The following CLEC4C variants were observed in gnomAD, a reference collection of about 807,000 sequenced individuals.
CLEC4C encodes the protein C-type (calcium dependent, carbohydrate-recognition domain) lectin, superfamily member 11.
Under a neutral mutation model 27.7 loss-of-function variants are expected in CLEC4C, and 17 were observed. The ratio of observed to expected loss-of-function variants is 0.61; its 90% CI spans 0.42 to 0.92. The LOEUF is 0.92. CLEC4C is among the 40% of genes least tolerant of loss of function. The pLI, the probability that CLEC4C is intolerant of heterozygous loss-of-function variation, is 0.00. For missense variants in CLEC4C, 244 were observed against 257.3 expected (o/e 0.95, Z 0.35); for synonymous variants, 80 against 80.8 (o/e 0.99, Z 0.06).
At chr12:7,735,893 G>A (rs755726800) in intron 4 of CLEC4C, among the ~76,000 whole-genome samples, 35 of 152,266 alleles carry the variant, frequency 2.3e-4, no homozygotes, top group African/African-American at 8.2e-4. Context: ...ATTTGAAAGA[G>A]AAGCAAGATC....
intron 4 of CLEC4C, among the ~76,000 whole-genome samples, chr12:7,732,263 C>T (rs1298914799): frequency 6.6e-6 from 1 of 151,852 alleles, no homozygotes; most frequent in African/African-American, 2.4e-5. Flanking sequence ...CTCGTGACCT[C>T]AGTTGATTTG....
chr12:7,749,482 G>A (rs1214399212), upstream of CLEC4C: 2 of 151,914 alleles, frequency 1.3e-5, no homozygotes, highest in African/African-American at 4.8e-5. Flanking sequence ...TGGAATTTGG[G>A]AGGCAGGGAT....
intron 4 of CLEC4C, among the ~76,000 whole-genome samples, chr12:7,736,694 G>T (rs1049345470): frequency 1.3e-5 from 2 of 151,874 alleles, no homozygotes; most frequent in African/African-American, 4.8e-5. Flanking sequence ...AGATCACGAG[G>T]TCAGGAGATC....
chr12:7,731,099 T>C (rs1189309764), intron 4 of CLEC4C, among the ~76,000 whole-genome samples, 187 bp from the exon 5 acceptor site: 9 of 151,354 alleles, frequency 5.9e-5, no homozygotes, highest in Admixed American at 4.6e-4. Context: ...CTCAGGCACA[T>C]AGGGAGGTGG....
Position 7,745,725 on chromosome 12 carries a change from G to A in CLEC4C, c.124+606C>T, listed in dbSNP as rs1236349809. ...TGGGATTACAGGCATGAGCTACCAC[G>A]CCTGGCCCAGTCTATGGTATTTTGT... On this transcript the variant is annotated intron_variant, in intron 2 of 5. Transcript: ENST00000360345. Among the ~76,000 whole-genome samples, 11 of 151,226 alleles carry A rather than the reference G, an allele frequency of 7.3e-5. No individual in the cohort carries two copies. In the East Asian group the frequency reaches 1.8e-3, roughly 24 times the overall value.
intron 2 of CLEC4C, among the ~76,000 whole-genome samples, chr12:7,746,012 G>A (rs1193707240): frequency 4.6e-5 from 7 of 151,634 alleles, no homozygotes; most frequent in Admixed American, 2.0e-4. Context: ...TCAGGAGATC[G>A]AAACCACCCT....
At chr12:7,749,502 C>A (rs1865056490), upstream of CLEC4C, 1 of 151,736 alleles carries the variant, frequency 6.6e-6, no homozygotes, top group Non-Finnish European at 1.5e-5. Context: ...TTGCAGTGAG[C>A]CGTAATCGTA....
At chr12:7,742,356 T>C (rs1165090515) in intron 2 of CLEC4C, among the ~76,000 whole-genome samples, 1 of 148,758 alleles carries the variant, frequency 6.7e-6, no homozygotes, top group Non-Finnish European at 1.5e-5. Context: ...CTACTAAAAA[T>C]ACAAAAATTA....
intron 3 of CLEC4C, 100 bp from the exon 4 acceptor site, chr12:7,737,674 A>G: frequency 8.7e-7 from 1 of 1,143,040 alleles, no homozygotes; most frequent in African/African-American, 1.5e-5. Context: ...GTTTTCACCT[A>G]TGGATCTCCA....
intron 4 of CLEC4C, among the ~76,000 whole-genome samples, chr12:7,735,508 A>G (rs1476760411): frequency 1.4e-5 from 2 of 141,920 alleles, no homozygotes; most frequent in African/African-American, 2.8e-5. Context: ...GTCTCAAAGA[A>G]AAAAAAAAAA....
intron 4 of CLEC4C, among the ~76,000 whole-genome samples, chr12:7,733,118 AG>A (rs1864639506): frequency 2.6e-5 from 4 of 152,168 alleles, no homozygotes; most frequent in African/African-American, 9.7e-5. Context: ...ACTAAGTCTC[AG>A]GAAACAGATT....
chr12:7,747,589 G>A (rs1865012344), upstream of CLEC4C: 2 of 351,176 alleles, frequency 5.7e-6, no homozygotes, highest in African/African-American at 2.1e-5. Flanking sequence ...CAAGGAAATC[G>A]AGAAATACAT....
At chr12:7,735,510 A>AAAC (rs1182215243) in intron 4 of CLEC4C, among the ~76,000 whole-genome samples, 2 of 146,596 alleles carry the variant, frequency 1.4e-5, no homozygotes, top group Non-Finnish European at 3.0e-5. Flanking sequence ...CTCAAAGAAA[A>AAAC]AAAAAAAAAA....
At position 7,741,500 on chromosome 12, in the gene CLEC4C, G is replaced by T; in HGVS notation, c.156C>A (p.Val52=). 6.2e-7 allele frequency: 1 copy of T among 1,610,902 alleles called. No homozygotes were observed. The highest frequency in any genetic ancestry group is 8.5e-7 in the Non-Finnish European group (1 of 1,177,114). Residue 52 remains valine (V), a synonymous_variant, in exon 3 of 6, where the codon GTC becomes GTA. Coordinates refer to ENST00000360345, the MANE Select transcript of CLEC4C (RefSeq NM_001371390.1). ...VPHNFMYSKT[V]KRLSKLREYQ... is the part of the protein sequence containing the mutation. ...ACTCTCGTAACTTGGACAGCCTCTT[G>T]ACAGTTTTGCTATACATAAAATTGT...
chr12:7,729,547 T>C lies in CLEC4C; in HGVS notation c.*49A>G. 5 of 1,572,994 alleles carry C rather than the reference T, an allele frequency of 3.2e-6. No individual in the cohort carries two copies. The highest frequency in any genetic ancestry group is 4.3e-6 in the Non-Finnish European group (5 of 1,152,864). ...AAATTAAAAAATCAATTTAGCTTTCTACAACGGTGGATGCCAACCCAAACA... is the reference window on the plus strand; with the variant it reads ...AAATTAAAAAATCAATTTAGCTTTCCACAACGGTGGATGCCAACCCAAACA... On this transcript the variant is annotated 3_prime_UTR_variant, in exon 6 of 6. Transcript: ENST00000360345.
chr12:7,747,729 C>A (rs1351778383), upstream of CLEC4C, among the ~76,000 whole-genome samples: 1 of 142,496 alleles, frequency 7.0e-6, no homozygotes. Flanking sequence ...ACTACCTCTG[C>A]CTCGCGGGTT....
In CLEC4C at chr12:7,729,459, A is replaced by C. The variant is rs1470838718; in HGVS notation, c.*137T>G. 17 of 665,706 alleles carry C rather than the reference A, an allele frequency of 2.6e-5. No individual in the cohort carries two copies. Among genetic ancestry groups the C allele is most frequent in the Non-Finnish European group, 3.8e-5 (15 of 391,596 alleles). 41.2% of individuals were successfully genotyped at this position (665,706 alleles called of 1,614,324 possible). Reference sequence around the variant, plus strand: ...GAATGTGTGAATGGATTATATCATAAGTGTAATAGGTGACAGCCTGCTGAA... The same window carrying C: ...GAATGTGTGAATGGATTATATCATACGTGTAATAGGTGACAGCCTGCTGAA... On this transcript the variant is annotated 3_prime_UTR_variant, in exon 6 of 6. Coordinates refer to ENST00000360345, the MANE Select transcript of CLEC4C (RefSeq NM_001371390.1).
In CLEC4C at chr12:7,729,612, T is replaced by A; in HGVS notation, c.626A>T (p.Lys209Met). Residue 209 changes from lysine to methionine, a missense_variant, in exon 6 of 6, where the codon AAG (lysine) becomes ATG (methionine). Coordinates refer to ENST00000360345, the MANE Select transcript of CLEC4C (RefSeq NM_001371390.1). Reference protein sequence around the residue: ...HVPQKSICKMKKIYI With the variant: ...HVPQKSICKMMKIYI ...ATATTTCATTTATATGTAGATCTTC[T>A]TCATCTTGCAAATTGACTTCTGAGG... 1 of 1,613,722 alleles carries A rather than the reference T, an allele frequency of 6.2e-7. No individual in the cohort carries two copies. Among genetic ancestry groups the A allele is most frequent in the Non-Finnish European group, 8.5e-7 (1 of 1,179,840 alleles).
intron 1 of CLEC4C, among the ~76,000 whole-genome samples, chr12:7,746,820 T>C (rs953770962): frequency 6.6e-6 from 1 of 151,994 alleles, no homozygotes; most frequent in Non-Finnish European, 1.5e-5. Flanking sequence ...GCCCGAGTTG[T>C]TTTTCTTTTT....
Sources: allele counts gnomAD v4.1 joint callset (sites outside exome capture counted in the v4.1 genomes callset), GRCh38; gene constraint gnomAD v4.1.1; transcripts MANE v1.5; gene names NCBI Gene and HGNC (gene_info 2026-07-23, HGNC 2026-07-21).